MEIG1: variants seen among roughly 807,000 people sequenced by gnomAD.
The protein encoded by MEIG1 is meiosis expressed gene 1 protein homolog.
A neutral mutation model predicts 11.3 loss-of-function variants in MEIG1; 12 were observed. The observed-to-expected ratio is 1.07, with a 90% CI of 0.68 to 1.73. MEIG1 has a LOEUF of 1.73. MEIG1 is among the 40% of genes most tolerant of loss of function. The pLI is 0.00. For missense variants in MEIG1, 119 were observed against 104.9 expected (o/e 1.13, Z -0.59); for synonymous variants, 41 against 33.2 (o/e 1.24, Z -0.81).
chr10:14,962,089 C>T (rs945665701), intron 1 of MEIG1, among the ~76,000 whole-genome samples: 6 of 152,090 alleles, frequency 3.9e-5, no homozygotes, highest in Admixed American at 6.6e-5. Flanking sequence ...AGGTGTGAGC[C>T]GCTGCATCCA....
intron 2 of MEIG1, 30 bp downstream of exon 2, chr10:14,966,636 T>G (rs1274003121): frequency 2.5e-6 from 4 of 1,587,278 alleles, no homozygotes; most frequent in Middle Eastern, 1.7e-4. Context: ...AAACCTCAAC[T>G]CGAAATGTAT....
At chr10:14,954,369 G>T in the MEIG1 span, 3 of 380,196 alleles carry the variant, frequency 7.9e-6, no homozygotes, top group Non-Finnish European at 1.5e-5. Flanking sequence ...TCCCAGAGCA[G>T]GTGGCCCCAG....
intron 1 of MEIG1, among the ~76,000 whole-genome samples, chr10:14,982,057 G>A (rs568879556): frequency 6.6e-6 from 1 of 152,258 alleles, no homozygotes; most frequent in Admixed American, 6.5e-5. Context: ...GGTCTTCCGC[G>A]CTTTGATGGA....
At chr10:14,987,040 T>G (rs370744804) in intron 2 of MEIG1, 11 of 604,334 alleles carry the variant, frequency 1.8e-5, no homozygotes, top group Admixed American at 9.3e-5. Context: ...GACTGGGTAG[T>G]GCAGAGGGAG....
At chr10:14,967,509 T>TC (rs1434480399) in intron 2 of MEIG1, among the ~76,000 whole-genome samples, 2 of 151,178 alleles carry the variant, frequency 1.3e-5, no homozygotes, top group East Asian at 3.9e-4. Context: ...AAGATATTTT[T>TC]TTTTTTTTTT....
intron 1 of MEIG1, among the ~76,000 whole-genome samples, chr10:14,980,962 G>T (rs112733348): frequency 0.096 from 14,645 of 152,182 alleles, 873 homozygotes; most frequent in African/African-American, 0.16. Context: ...GTAGCTTGAC[G>T]AAGCAAGCGC....
chr10:14,963,766 C>T (rs148898660), intron 1 of MEIG1, among the ~76,000 whole-genome samples: 3 of 152,260 alleles, frequency 2.0e-5, no homozygotes, highest in Non-Finnish European at 4.4e-5. Flanking sequence ...GAGTTCAAGA[C>T]CAGCCTGAGA....
chr10:14,975,809 T>TTAG (rs1206572319), downstream of MEIG1, among the ~76,000 whole-genome samples: 2 of 152,006 alleles, frequency 1.3e-5, no homozygotes, highest in African/African-American at 4.8e-5. Flanking sequence ...ACGCCCCCAG[T>TTAG]GATATTGGTC....
intron 1 of MEIG1, among the ~76,000 whole-genome samples, chr10:14,965,897 T>C (rs1198390764): frequency 6.6e-6 from 1 of 152,136 alleles, no homozygotes; most frequent in East Asian, 1.9e-4. Flanking sequence ...AACAGTTTTG[T>C]ATGTATCTTT....
At chr10:14,964,635 A>AAT in intron 1 of MEIG1, among the ~76,000 whole-genome samples, 2 of 43,212 alleles carry the variant, frequency 4.6e-5, no homozygotes, top group African/African-American at 8.4e-5. Context: ...ATATATGTAT[A>AAT]CTTTTTTTTT....
upstream of MEIG1, among the ~76,000 whole-genome samples, chr10:14,958,062 G>A (rs1337330076): frequency 6.6e-6 from 1 of 152,200 alleles, no homozygotes; most frequent in East Asian, 1.9e-4. Context: ...AATTATGATG[G>A]CTTGAGTAGA....
At chr10:14,983,416 C>G (rs1234961056) in intron 1 of MEIG1, among the ~76,000 whole-genome samples, 1 of 151,948 alleles carries the variant, frequency 6.6e-6, no homozygotes, top group African/African-American at 2.4e-5. Context: ...TTCTTCCTAG[C>G]AGCCAGGAAG....
chr10:14,962,964 A>G (rs1027437955), intron 1 of MEIG1, among the ~76,000 whole-genome samples: 1 of 151,046 alleles, frequency 6.6e-6, no homozygotes, highest in Non-Finnish European at 1.5e-5. Context: ...GGGTTTCACC[A>G]TCTTGGCCAG....
intron 1 of MEIG1, among the ~76,000 whole-genome samples, chr10:14,981,903 T>G (rs1382835353): frequency 6.6e-6 from 1 of 152,150 alleles, no homozygotes; most frequent in Admixed American, 6.5e-5. Flanking sequence ...AGGTCGGCGT[T>G]TCCCCGGGCC....
chr10:14,980,952 G>A (rs1344539378), intron 1 of MEIG1, among the ~76,000 whole-genome samples: 2 of 152,208 alleles, frequency 1.3e-5, no homozygotes, highest in African/African-American at 4.8e-5. Context: ...GAAAGTCAGT[G>A]TAGCTTGACG....
chr10:14,965,670 C>T (rs1025429414), intron 1 of MEIG1, among the ~76,000 whole-genome samples: 2 of 127,522 alleles, frequency 1.6e-5, no homozygotes, highest in African/African-American at 3.5e-5. Context: ...CTTACATTCC[C>T]TTTTTGAGAG....
chr10:14,967,019 C>G (rs1013863314), intron 2 of MEIG1, among the ~76,000 whole-genome samples: 3 of 152,136 alleles, frequency 2.0e-5, no homozygotes, highest in African/African-American at 7.2e-5. Context: ...CAGGCAATAG[C>G]CAGGACGCCC....
chr10:14,965,734 A>C (rs1374854273), intron 1 of MEIG1, among the ~76,000 whole-genome samples: 3 of 145,830 alleles, frequency 2.1e-5, no homozygotes, highest in Non-Finnish European at 4.4e-5. Context: ...TTTGAATATA[A>C]GTAATGGAAT....
chr10:14,962,494 T>A (rs1843025593), intron 1 of MEIG1, among the ~76,000 whole-genome samples: 1 of 152,216 alleles, frequency 6.6e-6, no homozygotes. Flanking sequence ...AAAGTCCAAT[T>A]GAATACAGCA....
Sources: gnomAD v4.1 joint callset for allele counts (sites outside exome capture counted in the v4.1 genomes callset) on GRCh38, gnomAD v4.1.1 for gene constraint, MANE v1.5 for transcripts, NCBI Gene and HGNC (gene_info 2026-07-23, HGNC 2026-07-21) for gene names.